EXOC4: variants seen among roughly 807,000 people sequenced by gnomAD.
EXOC4 encodes the protein SEC8-like 1.
EXOC4 carries 71 observed loss-of-function variants against 107.2 expected under a neutral mutation model. The observed-to-expected ratio is 0.66, with a 90% CI of 0.55 to 0.81. The LOEUF (loss-of-function observed/expected upper bound fraction) is 0.81. EXOC4 is among the 30% of genes least tolerant of loss of function. The pLI is 0.00. For missense variants in EXOC4, 1,108 were observed against 1,189.6 expected (o/e 0.93, Z 1.01); for synonymous variants, 456 against 441.2 (o/e 1.03, Z -0.42).
At chr7:133,605,175 C>T (rs992118222) in intron 9 of EXOC4, among the ~76,000 whole-genome samples, 1 of 152,190 alleles carries the variant, frequency 6.6e-6, no homozygotes, top group South Asian at 2.1e-4. Context: ...TTCATCAATT[C>T]TTCAACAAAT....
chr7:133,546,253 CTT>C (rs368101148), intron 9 of EXOC4, among the ~76,000 whole-genome samples: 1 of 119,304 alleles, frequency 8.4e-6, no homozygotes, highest in African/African-American at 3.1e-5. Context: ...AGCTGGAAAA[CTT>C]TTTTTTTTTT....
Position 133,299,634 on chromosome 7 carries a change from C to T in EXOC4, c.472-6243C>T, listed in dbSNP as rs112285005. ...AAGAAGTCACATTTGATCCTGTTTT[C>T]GAGTTTTATTTTCCGAGATAGATCT... On this transcript the variant is annotated intron_variant, in intron 3 of 17. Coordinates refer to ENST00000253861, the MANE Select transcript of EXOC4 (RefSeq NM_021807.4). 2.9e-4 allele frequency among the ~76,000 whole-genome samples: 44 copies of T among 152,176 alleles called. No individual in the cohort carries two copies. The South Asian group carries it at 3.1e-3, about 11-fold the overall frequency.
At chr7:134,031,936 G>C (rs1795281147) in intron 17 of EXOC4, among the ~76,000 whole-genome samples, 1 of 152,182 alleles carries the variant, frequency 6.6e-6, no homozygotes, top group East Asian at 1.9e-4. Context: ...CTAAATGTCT[G>C]ATCTCCCTAT....
chr7:134,021,722 GAAAAAAAAAAAA>G (rs60762484), intron 17 of EXOC4, among the ~76,000 whole-genome samples: 1 of 53,742 alleles, frequency 1.9e-5, no homozygotes, highest in African/African-American at 8.4e-5. Flanking sequence ...AGTCAAACCA[GAAAAAAAAAAAA>G]AAAAAAAAAA....
chr7:133,955,127 G>A (rs892237267), intron 14 of EXOC4, among the ~76,000 whole-genome samples: 2 of 152,198 alleles, frequency 1.3e-5, no homozygotes, highest in Admixed American at 1.3e-4. Context: ...CCCTGTTTAT[G>A]TTATACCTCT....
chr7:133,832,750 AGCTGTT>A (rs1402698498), intron 11 of EXOC4, among the ~76,000 whole-genome samples: 5 of 152,230 alleles, frequency 3.3e-5, no homozygotes, highest in African/African-American at 1.2e-4. Flanking sequence ...TTATGAATAA[AGCTGTT>A]ATAAACACTT....
At chr7:133,384,735 T>TTA (rs1796689319) in intron 7 of EXOC4, among the ~76,000 whole-genome samples, 1 of 136,642 alleles carries the variant, frequency 7.3e-6, no homozygotes, top group Admixed American at 7.4e-5. Flanking sequence ...TAAGCGTATT[T>TTA]AAAAAAAAAA....
At chr7:133,545,952 G>T (rs1296702762) in intron 9 of EXOC4, among the ~76,000 whole-genome samples, 1 of 152,040 alleles carries the variant, frequency 6.6e-6, no homozygotes, top group African/African-American at 2.4e-5. Flanking sequence ...ACTATTTCCT[G>T]CTGCTTCAGT....
At chr7:133,575,652 A>G (rs1219235430) in intron 9 of EXOC4, among the ~76,000 whole-genome samples, 1 of 152,218 alleles carries the variant, frequency 6.6e-6, no homozygotes, top group East Asian at 1.9e-4. Context: ...CTTGAAATTA[A>G]CATTGTAATA....
intron 7 of EXOC4, among the ~76,000 whole-genome samples, chr7:133,445,976 A>G (rs993851570): frequency 5.3e-5 from 8 of 150,852 alleles, no homozygotes; most frequent in Admixed American, 5.3e-4. Context: ...AGATTATAAT[A>G]CTGCACTTCA....
At chr7:133,908,179 A>T (rs1163448924) in intron 12 of EXOC4, among the ~76,000 whole-genome samples, 1 of 152,238 alleles carries the variant, frequency 6.6e-6, no homozygotes, top group Admixed American at 6.5e-5. Flanking sequence ...CTTGACACAA[A>T]GTAACAAGGA....
intron 12 of EXOC4, among the ~76,000 whole-genome samples, chr7:133,902,596 G>A (rs867045914): frequency 1.3e-5 from 2 of 152,122 alleles, no homozygotes; most frequent in African/African-American, 4.8e-5. Context: ...GCTCACACCT[G>A]TAGTTCCAGC....
chr7:133,790,063 C>A (rs1351580665), intron 10 of EXOC4, among the ~76,000 whole-genome samples: 2 of 152,190 alleles, frequency 1.3e-5, no homozygotes, highest in African/African-American at 4.8e-5. Flanking sequence ...GAAGCTGCTT[C>A]CAGCCTCGTA....
At chr7:133,454,231 A>G (rs1214313532) in intron 7 of EXOC4, among the ~76,000 whole-genome samples, 2 of 152,200 alleles carry the variant, frequency 1.3e-5, no homozygotes, top group East Asian at 3.8e-4. Context: ...CATCTTTTTC[A>G]TACTAAAAGA....
At chr7:133,292,070 C>A (rs1477025488) in intron 3 of EXOC4, among the ~76,000 whole-genome samples, 1 of 152,168 alleles carries the variant, frequency 6.6e-6, no homozygotes, top group Non-Finnish European at 1.5e-5. Flanking sequence ...TGTGGCCAGG[C>A]ATGGTGGCCC....
chr7:133,347,114 A>G (rs1795800068), intron 5 of EXOC4, among the ~76,000 whole-genome samples: 1 of 152,144 alleles, frequency 6.6e-6, no homozygotes, highest in South Asian at 2.1e-4. Context: ...TTTTAAATAA[A>G]ATATTTAACT....
At chr7:133,614,633 C>T (rs1005527283) in intron 9 of EXOC4, among the ~76,000 whole-genome samples, 1 of 151,914 alleles carries the variant, frequency 6.6e-6, no homozygotes, top group African/African-American at 2.4e-5. Context: ...GAAAGGATTA[C>T]ACCATTGAAG....
At chr7:133,723,804 C>A (rs1018835592) in intron 10 of EXOC4, among the ~76,000 whole-genome samples, 2 of 151,718 alleles carry the variant, frequency 1.3e-5, no homozygotes, top group African/African-American at 4.8e-5. Context: ...TTATTTTTTT[C>A]TTTTTAATGA....
chr7:133,614,643 G>T (rs1249120181), intron 9 of EXOC4, among the ~76,000 whole-genome samples: 2 of 152,062 alleles, frequency 1.3e-5, no homozygotes, highest in Non-Finnish European at 2.9e-5. Context: ...CACCATTGAA[G>T]ATGCATTGTT....
Sources: gnomAD v4.1 joint callset for allele counts (sites outside exome capture counted in the v4.1 genomes callset) on GRCh38, gnomAD v4.1.1 for gene constraint, MANE v1.5 for transcripts, NCBI Gene and HGNC (gene_info 2026-07-23, HGNC 2026-07-21) for gene names.